Variants in AARS1 observed in about 807,000 individuals in gnomAD.
AARS1 encodes the protein alanyl-tRNA synthetase 1.
AARS1 carries 72 observed loss-of-function variants against 108.9 expected under a neutral mutation model. That is an observed-to-expected ratio of 0.66 (90% CI 0.55 to 0.80). AARS1 has a LOEUF of 0.80. Ranked by LOEUF, AARS1 falls within the 30% of genes least tolerant of loss-of-function variation. The pLI is 0.00. For synonymous variants in AARS1, 489 were observed against 465.7 expected, an observed-to-expected ratio of 1.05 and a Z score of -0.64; for missense variants, 1,193 against 1,233.2, an observed-to-expected ratio of 0.97 and a Z score of 0.49.
At chr16:70,283,848 G>A (rs1382006791) in intron 1 of AARS1, among the ~76,000 whole-genome samples, 1 of 152,188 alleles carries the variant, frequency 6.6e-6, no homozygotes, top group African/African-American at 2.4e-5. Context: ...GCCCCACTTT[G>A]GAGGCACAGC....
intron 6 of AARS1, 97 bp downstream of exon 6, chr16:70,270,099 G>T: frequency 6.8e-7 from 1 of 1,476,828 alleles, no homozygotes. Flanking sequence ...ACCCTTGGCT[G>T]GCAAAGCATA....
In AARS1 at chr16:70,253,759, G is replaced by A; in HGVS notation, c.2562C>T (p.Asn854=). Residue 854 remains asparagine (N), a synonymous_variant, in exon 19 of 21, where the codon AAC becomes AAT. Transcript: ENST00000261772. ...CCATCTCCAGGATGACAAGAGGCTG[G>A]TTGGGGTTGCTGTCGATGAACTGCT... The part of the protein sequence containing the change: ...KTKQFIDSNP[N]QPLVILEMES... 1 of 1,614,194 alleles carries A rather than the reference G, an allele frequency of 6.2e-7. No individual in the cohort carries two copies. The highest frequency in any genetic ancestry group is 8.5e-7 in the Non-Finnish European group (1 of 1,180,050).
In AARS1 at chr16:70,269,434, G is replaced by A. The variant is rs534587076; in HGVS notation, c.962+184C>T. On this transcript the variant is annotated intron_variant, in intron 7 of 20. Transcript: ENST00000261772. ...CACCTATAATCCCAGCTACGTGGGA[G>A]GCTGAGGCAGAATCACTTGAACCCA... 1.7e-3 allele frequency among the ~76,000 whole-genome samples: 253 copies of A among 151,176 alleles called. 1 individual carries two copies. The highest frequency in any genetic ancestry group is 2.6e-3 in the Non-Finnish European group (174 of 67,926).
chr16:70,277,297 T>C, intron 2 of AARS1, 143 bp from the exon 3 acceptor site: 1 of 957,706 alleles, frequency 1.0e-6, no homozygotes, highest in Non-Finnish European at 1.6e-6. Flanking sequence ...TCAGAACAGG[T>C]GGCCTGGTGG....
At chr16:70,272,008 C>T (rs1460354484) in intron 4 of AARS1, 36 bp from the exon 5 acceptor site, 5 of 1,600,436 alleles carry the variant, frequency 3.1e-6, no homozygotes, top group Admixed American at 3.3e-5. Flanking sequence ...AGTTACAGCC[C>T]CTGACAAGAG....
intron 2 of AARS1, among the ~76,000 whole-genome samples, chr16:70,281,873 C>A (rs1457401769): frequency 6.6e-6 from 1 of 150,538 alleles, no homozygotes; most frequent in Non-Finnish European, 1.5e-5. Context: ...AATAGCTGGC[C>A]GGGCGTGGTG....
intron 16 of AARS1, 84 bp from the exon 17 acceptor site, chr16:70,254,818 G>A (rs910293878): frequency 4.3e-5 from 39 of 915,200 alleles, no homozygotes; most frequent in Middle Eastern, 5.3e-4. Flanking sequence ...CGGAAGCCCC[G>A]GCGGTAGGCC....
At chr16:70,288,565 CTTT>C (rs35168298) in intron 1 of AARS1, among the ~76,000 whole-genome samples, 10 of 102,942 alleles carry the variant, frequency 9.7e-5, no homozygotes, top group South Asian at 3.6e-4. Flanking sequence ...GTTCTGGGCT[CTTT>C]TTTTTTTTTT....
At chr16:70,284,944 G>A (rs1170280084) in intron 1 of AARS1, among the ~76,000 whole-genome samples, 1 of 152,050 alleles carries the variant, frequency 6.6e-6, no homozygotes, top group Non-Finnish European at 1.5e-5. Flanking sequence ...AATGGAAAAC[G>A]TTACGCCACG....
rs191913053 is a variant in AARS1 at position 70,260,955 on chromosome 16, C to A, written c.1785+89G>T. On this transcript the variant is annotated intron_variant, in intron 13 of 20. Coordinates refer to ENST00000261772, the MANE Select transcript of AARS1 (RefSeq NM_001605.3). The stretch of plus-strand genomic sequence containing the variant: ...GGGATTACAAGTGTGAGCCACCACA[C>A]CCGGCCCAACAGTGACAGGACAATT... The A allele has an allele frequency of 6.9e-5, 74 of 1,070,974 alleles. 1 individual carries two copies. In the African/African-American group the frequency reaches 1.0e-3, roughly 15 times the overall value. 66.3% of individuals were successfully genotyped at this position (1,070,974 alleles called of 1,614,324 possible).
intron 6 of AARS1, 100 bp from the exon 7 acceptor site, chr16:70,269,863 G>C: frequency 6.7e-7 from 1 of 1,493,974 alleles, no homozygotes; most frequent in Non-Finnish European, 9.3e-7. Context: ...TTAGCAGAAA[G>C]GATGCCGGTC....
At chr16:70,257,426 CA>C (rs572743274) in intron 15 of AARS1, among the ~76,000 whole-genome samples, 3 of 151,892 alleles carry the variant, frequency 2.0e-5, no homozygotes, top group East Asian at 1.9e-4. Flanking sequence ...AAAAAACAAA[CA>C]AAAAAAACCA....
At chr16:70,260,317 G>A (rs1486520789) in intron 13 of AARS1, among the ~76,000 whole-genome samples, 6 of 152,186 alleles carry the variant, frequency 3.9e-5, no homozygotes, top group East Asian at 1.9e-4. Context: ...TGGAGTGACA[G>A]GTGAGGAGAA....
At chr16:70,263,913 A>T (rs1242315684) in intron 11 of AARS1, among the ~76,000 whole-genome samples, 1 of 152,134 alleles carries the variant, frequency 6.6e-6, no homozygotes, top group Non-Finnish European at 1.5e-5. Flanking sequence ...CTGGGATTAC[A>T]GGCATGAGTC....
chr16:70,262,144 A>G (rs1267448164), intron 12 of AARS1, among the ~76,000 whole-genome samples: 1 of 152,160 alleles, frequency 6.6e-6, no homozygotes, highest in African/African-American at 2.4e-5. Context: ...CCCTGGCTGC[A>G]AAAATACTCC....
chr16:70,264,731 A>C (rs1424577629), intron 11 of AARS1, among the ~76,000 whole-genome samples: 1 of 147,738 alleles, frequency 6.8e-6, no homozygotes, highest in Non-Finnish European at 1.5e-5. Context: ...CTTCCTACAA[A>C]TTTTTTTTTT....
At chr16:70,287,906 C>T (rs555574115) in intron 1 of AARS1, among the ~76,000 whole-genome samples, 1 of 152,122 alleles carries the variant, frequency 6.6e-6, no homozygotes, top group Non-Finnish European at 1.5e-5. Context: ...GCTGGGAATA[C>T]AGGCATGTGC....
At chr16:70,267,590 C>A in intron 9 of AARS1, 69 bp downstream of exon 9, 1 of 1,593,570 alleles carries the variant, frequency 6.3e-7, no homozygotes, top group Non-Finnish European at 8.6e-7. Flanking sequence ...GTCAGTCTGT[C>A]AGAAAGGGCT....
chr16:70,262,983 A>AAAAAC, intron 11 of AARS1, among the ~76,000 whole-genome samples: 1 of 145,900 alleles, frequency 6.9e-6, no homozygotes, highest in Non-Finnish European at 1.5e-5. Context: ...AAAAAAAAAA[A>AAAAAC]AAAAAAAAAA....
Sources: allele counts gnomAD v4.1 joint callset (sites outside exome capture counted in the v4.1 genomes callset), GRCh38; gene constraint gnomAD v4.1.1; transcripts MANE v1.5; gene names NCBI Gene and HGNC (gene_info 2026-07-23, HGNC 2026-07-21).